The following RFX7 variants were observed in gnomAD, a reference collection of about 807,000 sequenced individuals.
RFX7 encodes regulatory factor X7.
In RFX7, 26 loss-of-function variants were observed where a neutral mutation model predicts 111.8. The ratio of observed to expected loss-of-function variants is 0.23; its 90% CI spans 0.17 to 0.32. RFX7 has a LOEUF of 0.32. Among genes scored for constraint, RFX7 ranks in the 10% least tolerant of loss-of-function variants. RFX7 has a pLI of 1.00. For missense variants in RFX7, 1,573 were observed against 1,772.9 expected (o/e 0.89, Z 2.02); for synonymous variants, 624 against 624.4 (o/e 1.00, Z 0.01).
At chr15:56,101,239 G>C (rs190884297) in intron 8 of RFX7, 120 bp downstream of exon 8, 1 of 769,410 alleles carries the variant, frequency 1.3e-6, no homozygotes, top group African/African-American at 1.7e-5. Context: ...AGCGGAGTAA[G>C]AGTGAACACA....
chr15:56,194,014 C>G (rs768648822), intron 2 of RFX7, among the ~76,000 whole-genome samples: 1 of 151,936 alleles, frequency 6.6e-6, no homozygotes, highest in South Asian at 2.1e-4. Flanking sequence ...AGTCATGGGC[C>G]AAACATATAT....
At chr15:56,121,627 T>C (rs1306021079) in intron 5 of RFX7, among the ~76,000 whole-genome samples, 2 of 152,192 alleles carry the variant, frequency 1.3e-5, no homozygotes, top group Non-Finnish European at 2.9e-5. Flanking sequence ...TTCCTATCTC[T>C]CTGTCTACCT....
intron 3 of RFX7, among the ~76,000 whole-genome samples, chr15:56,152,758 T>C (rs538958404): frequency 1.6e-3 from 228 of 144,222 alleles, no homozygotes; most frequent in Non-Finnish European, 2.5e-3. Flanking sequence ...AAAAAATCAA[T>C]GAATCCAGGA....
chr15:56,171,107 T>C (rs2097778228), intron 3 of RFX7, among the ~76,000 whole-genome samples: 1 of 152,184 alleles, frequency 6.6e-6, no homozygotes, highest in South Asian at 2.1e-4. Flanking sequence ...TCTGGATTAA[T>C]GCAGTAGCAG....
intron 2 of RFX7, among the ~76,000 whole-genome samples, chr15:56,231,915 G>C (rs548985592): frequency 1.4e-4 from 22 of 152,274 alleles, no homozygotes; most frequent in African/African-American, 4.8e-4. Context: ...AATCCAGTGG[G>C]GCAGTCAAAT....
chr15:56,088,030 G>T lies in RFX7; in HGVS notation c.*5315C>A. ...GAGGGAAAAGGATTCAAGTAATTTG[G>T]AGGAAAATTACAAACTACAGGTAAA... On this transcript the variant is annotated 3_prime_UTR_variant, in exon 10 of 10. Coordinates refer to ENST00000559447, the MANE Select transcript of RFX7 (RefSeq NM_022841.7). 1 of 289,790 alleles carries T rather than the reference G, an allele frequency of 3.5e-6. No homozygotes were observed. 18.0% of individuals were successfully genotyped at this position (289,790 alleles called of 1,614,324 possible).
At chr15:56,167,073 G>A (rs11629483) in intron 3 of RFX7, among the ~76,000 whole-genome samples, 28 of 152,124 alleles carry the variant, frequency 1.8e-4, no homozygotes, top group African/African-American at 6.3e-4. Context: ...GGCTGAGGCA[G>A]GAGGATCACT....
chr15:56,136,024 T>G (rs1263204436), intron 5 of RFX7, among the ~76,000 whole-genome samples: 10 of 152,140 alleles, frequency 6.6e-5, no homozygotes, highest in Admixed American at 2.0e-4. Flanking sequence ...TGTAGCCTTG[T>G]AGTATAGTTT....
chr15:56,220,024 C>T (rs947851187), intron 2 of RFX7, among the ~76,000 whole-genome samples: 5 of 152,128 alleles, frequency 3.3e-5, no homozygotes, highest in East Asian at 1.9e-4. Context: ...GCCTTACCAG[C>T]ATCTTTCTGT....
intron 2 of RFX7, among the ~76,000 whole-genome samples, chr15:56,240,971 G>C (rs1338535552): frequency 2.0e-5 from 3 of 151,942 alleles, no homozygotes; most frequent in Admixed American, 6.5e-5. Context: ...TTCTTGTGGA[G>C]CAGGGGGTAT....
intron 2 of RFX7, chr15:56,192,352 T>G (rs2043108962): frequency 4.4e-6 from 1 of 229,104 alleles, no homozygotes; most frequent in Non-Finnish European, 9.4e-6. Context: ...GAGCATCACA[T>G]GTATTTGTAA....
At chr15:56,143,316 T>C (rs1425827094) in intron 4 of RFX7, among the ~76,000 whole-genome samples, 1 of 150,128 alleles carries the variant, frequency 6.7e-6, no homozygotes, top group African/African-American at 2.5e-5. Context: ...CACACATATA[T>C]ATATACACAT....
intron 2 of RFX7, among the ~76,000 whole-genome samples, chr15:56,223,211 G>A (rs1441366475): frequency 6.6e-6 from 1 of 152,112 alleles, no homozygotes; most frequent in African/African-American, 2.4e-5. Context: ...TGCACACGTG[G>A]AGTTCGGCAT....
intron 2 of RFX7, among the ~76,000 whole-genome samples, chr15:56,233,645 C>A (rs2043592187): frequency 6.6e-6 from 1 of 152,052 alleles, no homozygotes; most frequent in South Asian, 2.1e-4. Flanking sequence ...ATTAGAGTAA[C>A]TGAAATGAGT....
chr15:56,233,602 A>C lies in RFX7; in HGVS notation c.161+9523T>G, dbSNP rs2141236492. Among the ~76,000 whole-genome samples the C allele has an allele frequency of 2.6e-5, 4 of 152,348 alleles. 1 individual carries two copies. In the South Asian group the frequency reaches 8.3e-4, roughly 32 times the overall value. ...GAAACCAATGCTGCCAGACTGATGG[A>C]AAGAAGGAAAAGTGATATCTACTAT... On this transcript the variant is annotated intron_variant, in intron 2 of 9. Coordinates refer to ENST00000559447, the MANE Select transcript of RFX7 (RefSeq NM_022841.7).
chr15:56,111,066 G>A lies in RFX7; in HGVS notation c.402-7396C>T, dbSNP rs867980207. On this transcript the variant is annotated intron_variant, in intron 5 of 9. Coordinates refer to ENST00000559447, the MANE Select transcript of RFX7 (RefSeq NM_022841.7). ...ACCCGGCCAGCCACCCTGTCCGGGAGGTGAGGGGCGCCTCTGCCCGGCCGC... is the reference window on the plus strand; with the variant it reads ...ACCCGGCCAGCCACCCTGTCCGGGAAGTGAGGGGCGCCTCTGCCCGGCCGC... Among the ~76,000 whole-genome samples the A allele has an allele frequency of 3.6e-3, 432 of 119,564 alleles. 10 individuals carry two copies. The highest frequency in any genetic ancestry group is 0.012 in the African/African-American group (413 of 34,116). 78.4% of individuals were successfully genotyped at this position (119,564 alleles called of 152,430 possible).
At chr15:56,236,214 T>C (rs1044030343) in intron 2 of RFX7, among the ~76,000 whole-genome samples, 4 of 152,254 alleles carry the variant, frequency 2.6e-5, no homozygotes, top group South Asian at 2.1e-4. Context: ...GTTAGTGAAA[T>C]AGAAAAAGTA....
At chr15:56,137,642 C>G (rs1265216800) in intron 5 of RFX7, among the ~76,000 whole-genome samples, 18 of 151,760 alleles carry the variant, frequency 1.2e-4, no homozygotes, top group Admixed American at 3.9e-4. Context: ...TTAGTTATTT[C>G]TTGCCTTCTG....
intron 3 of RFX7, among the ~76,000 whole-genome samples, chr15:56,174,873 T>C (rs1217827322): frequency 1.3e-5 from 2 of 151,802 alleles, no homozygotes; most frequent in Non-Finnish European, 2.9e-5. Flanking sequence ...TAACTTCATA[T>C]TGTATGGTGA....
Sources: gnomAD v4.1 joint callset for allele counts (sites outside exome capture counted in the v4.1 genomes callset) on GRCh38, gnomAD v4.1.1 for gene constraint, MANE v1.5 for transcripts, NCBI Gene and HGNC (gene_info 2026-07-23, HGNC 2026-07-21) for gene names.